SLC7A1: variants seen among roughly 807,000 people sequenced by gnomAD.
SLC7A1 encodes the protein solute carrier family 7 member 1, also known as high affinity cationic amino acid transporter 1.
A neutral mutation model predicts 53.9 loss-of-function variants in SLC7A1; 10 were observed. The ratio of observed to expected loss-of-function variants is 0.19; its 90% confidence interval spans 0.11 to 0.31. SLC7A1 has a LOEUF of 0.31. Ranked by LOEUF, SLC7A1 falls within the 10% of genes least tolerant of loss-of-function variation. SLC7A1 has a pLI of 1.00. For missense variants in SLC7A1, 525 were observed against 827.2 expected, an observed-to-expected ratio of 0.63 and a Z score of 4.48; for synonymous variants, 342 against 338.7, an observed-to-expected ratio of 1.01 and a Z score of -0.11.
intron 1 of SLC7A1, among the ~76,000 whole-genome samples, chr13:29,555,336 C>G (rs1302745628): frequency 1.5e-5 from 1 of 66,822 alleles, no homozygotes; most frequent in African/African-American, 4.8e-5. Flanking sequence ...CCAGCCTGGG[C>G]GACAGAGCGA....
chr13:29,590,688 C>G (rs1358717153), intron 1 of SLC7A1, among the ~76,000 whole-genome samples: 3 of 152,174 alleles, frequency 2.0e-5, no homozygotes, highest in African/African-American at 7.2e-5. Flanking sequence ...AGGCCCGCAT[C>G]CCTCCTCCAG....
intron 5 of SLC7A1, among the ~76,000 whole-genome samples, chr13:29,525,841 T>G (rs2482092): frequency 0.97 from 147,213 of 152,292 alleles, 71,301 homozygotes; most frequent in Non-Finnish European, 1. Flanking sequence ...AAACCAAGCA[T>G]CCCAGGACAG....
At chr13:29,539,475 T>C (rs1869570954) in intron 2 of SLC7A1, among the ~76,000 whole-genome samples, 1 of 152,234 alleles carries the variant, frequency 6.6e-6, no homozygotes. Context: ...GGGGGACCTC[T>C]GAACCCCCTT....
chr13:29,542,900 G>A (rs1213472177), intron 2 of SLC7A1, among the ~76,000 whole-genome samples: 1 of 152,140 alleles, frequency 6.6e-6, no homozygotes, highest in Non-Finnish European at 1.5e-5. Flanking sequence ...CAGCGGCTCT[G>A]CCTACAATGA....
At position 29,542,893 on chromosome 13, in the gene SLC7A1, C is replaced by T. The variant is rs539562173; in HGVS notation, c.-14-6691G>A. 5.3e-5 allele frequency among the ~76,000 whole-genome samples: 8 copies of T among 152,204 alleles called. No homozygotes were observed. In the East Asian group the frequency reaches 1.4e-3, roughly 26 times the overall value. ...GCAAGGCCCCAGTCTCACTGGGCAG[C>T]GGCTCTGCCTACAATGAAATATGAC... On this transcript the variant is annotated intron_variant, in intron 2 of 12. Transcript: ENST00000380752.
intron 9 of SLC7A1, among the ~76,000 whole-genome samples, chr13:29,518,045 G>A (rs892400483): frequency 6.6e-6 from 1 of 152,206 alleles, no homozygotes; most frequent in African/African-American, 2.4e-5. Flanking sequence ...CAGCCCAGAG[G>A]AATACCCTGA....
In SLC7A1 at chr13:29,572,824, C is replaced by T. The variant is rs75173910; in HGVS notation, c.-114-18964G>A. ...CATGGGACTGTGCACACCAACCACA[C>T]CAACCAGAAGCAGCCAACACACACA... On this transcript the variant is annotated intron_variant, in intron 1 of 12. Coordinates refer to ENST00000380752, the MANE Select transcript of SLC7A1 (RefSeq NM_003045.5). 2.9e-3 allele frequency among the ~76,000 whole-genome samples: 436 copies of T among 152,254 alleles called. 2 individuals carry two copies. The highest frequency in any genetic ancestry group is 0.01 in the Middle Eastern group (3 of 294).
chr13:29,530,817 C>T, intron 4 of SLC7A1, 105 bp from the exon 5 acceptor site: 1 of 858,850 alleles, frequency 1.2e-6, no homozygotes, highest in Non-Finnish European at 1.8e-6. Flanking sequence ...AATCCAAGTG[C>T]ATCGAGCCTC....
chr13:29,519,691 C>T (rs1474101428), intron 8 of SLC7A1, 142 bp from the exon 9 acceptor site: 2 of 570,172 alleles, frequency 3.5e-6, no homozygotes, highest in African/African-American at 2.0e-5. Flanking sequence ...CATGGAAAGA[C>T]ACAGCTTAAA....
intron 1 of SLC7A1, among the ~76,000 whole-genome samples, chr13:29,580,038 T>A (rs1464692206): frequency 6.6e-6 from 1 of 152,302 alleles, no homozygotes; most frequent in Middle Eastern, 3.4e-3. Context: ...GGATCCATAA[T>A]CATGGAATGT....
intron 1 of SLC7A1, among the ~76,000 whole-genome samples, chr13:29,581,375 G>A (rs1321968470): frequency 6.6e-6 from 1 of 151,796 alleles, no homozygotes; most frequent in African/African-American, 2.4e-5. Flanking sequence ...CAATGTCCCT[G>A]TGCAAACCCC....
chr13:29,535,801 C>G lies in SLC7A1; in HGVS notation c.370+18G>C. 6.2e-7 allele frequency: 1 copy of G among 1,602,678 alleles called. No individual in the cohort carries two copies. Among genetic ancestry groups the G allele is most frequent in the Non-Finnish European group, 8.5e-7 (1 of 1,170,898 alleles). ...GAAAAGTGGTAGAGGGCACGAGCTC[C>G]GGACCCCTGGGACCTACCGATGATG... On this transcript the variant is annotated intron_variant, in intron 3 of 12. Transcript: ENST00000380752.
At chr13:29,536,752 G>A (rs1322154934) in intron 2 of SLC7A1, among the ~76,000 whole-genome samples, 1 of 152,214 alleles carries the variant, frequency 6.6e-6, no homozygotes, top group African/African-American at 2.4e-5. Flanking sequence ...TCACTTTTAA[G>A]GTAACACAGA....
chr13:29,572,361 C>A (rs533973523), intron 1 of SLC7A1, among the ~76,000 whole-genome samples: 1 of 152,210 alleles, frequency 6.6e-6, no homozygotes, highest in South Asian at 2.1e-4. Context: ...GCAGGCGCCA[C>A]CTAAAGGGGC....
At chr13:29,552,890 C>A (rs1870263994) in intron 2 of SLC7A1, among the ~76,000 whole-genome samples, 1 of 151,938 alleles carries the variant, frequency 6.6e-6, no homozygotes, top group South Asian at 2.1e-4. Flanking sequence ...GGGTTAGGGT[C>A]TCCGACCAAG....
rs542232350 is a variant in SLC7A1 at position 29,545,439 on chromosome 13, C to G, written c.-15+8322G>C. The stretch of plus-strand genomic sequence containing the variant: ...CATTGTGTTCAACAAGGCACAACGT[C>G]AAGGTCTCTGTTTCTACGTGTGTAA... On this transcript the variant is annotated intron_variant, in intron 2 of 12. Transcript: ENST00000380752. Among the ~76,000 whole-genome samples, 251 of 152,256 alleles carry G rather than the reference C, an allele frequency of 1.6e-3. 1 individual carries two copies. Among genetic ancestry groups the G allele is most frequent in the African/African-American group, 6.0e-3 (248 of 41,540 alleles).
At chr13:29,563,358 A>C (rs943735089) in intron 1 of SLC7A1, among the ~76,000 whole-genome samples, 8 of 152,262 alleles carry the variant, frequency 5.3e-5, no homozygotes, top group Non-Finnish European at 1.0e-4. Flanking sequence ...CTACAAATTT[A>C]CTTAAGTGGG....
chr13:29,550,029 A>T (rs374143623), intron 2 of SLC7A1, among the ~76,000 whole-genome samples: 3 of 152,166 alleles, frequency 2.0e-5, no homozygotes, highest in African/African-American at 7.2e-5. Context: ...GCCCCAAATA[A>T]TATTCTCTGC....
chr13:29,522,499 A>G (rs1868674759), intron 7 of SLC7A1, 43 bp from the exon 8 acceptor site: 2 of 1,609,194 alleles, frequency 1.2e-6, no homozygotes, highest in Non-Finnish European at 8.5e-7. Context: ...CCTGGCTCAT[A>G]AGGGATAAAG....
Sources: allele counts gnomAD v4.1 joint callset (sites outside exome capture counted in the v4.1 genomes callset), GRCh38; gene constraint gnomAD v4.1.1; transcripts MANE v1.5; gene names NCBI Gene and HGNC (gene_info 2026-07-23, HGNC 2026-07-21).